CDHR3: variants seen among roughly 807,000 people sequenced by gnomAD.
The protein encoded by CDHR3 is cadherin related family member 3.
A neutral mutation model predicts 86.6 loss-of-function variants in CDHR3; 79 were observed. That is an observed-to-expected ratio of 0.91 (90% confidence interval 0.76 to 1.10). The LOEUF (loss-of-function observed/expected upper bound fraction) is 1.10, where lower values mean the gene tolerates loss of function less well. Among genes scored for constraint, CDHR3 ranks in the 50% least tolerant of loss-of-function variants. The pLI is 0.00. For missense variants in CDHR3, 1,081 were observed against 1,077.6 expected, an observed-to-expected ratio of 1.00 and a Z score of -0.04; for synonymous variants, 421 against 402.4, an observed-to-expected ratio of 1.05 and a Z score of -0.55.
chr7:105,975,001 C>G lies in CDHR3; in HGVS notation c.204C>G (p.Leu68=). The G allele has an allele frequency of 6.2e-7, 1 of 1,614,012 alleles. No individual in the cohort carries two copies. Among genetic ancestry groups the G allele is most frequent in the East Asian group, 2.2e-5 (1 of 44,886 alleles). ...GFPQIVNSNP[L]TEAFRVNWLS... is the part of the protein sequence containing the mutation. The stretch of plus-strand genomic sequence containing the variant: ...CCCAGATAGTCAACTCAAATCCCCT[C>G]ACTGAAGCTTTTAGGGTGAATTGGC... The change falls in exon 2 of 19, where the codon CTC becomes CTG. Residue 68 remains leucine (L), a synonymous_variant. Transcript: ENST00000317716.
At chr7:106,026,261 A>G (rs1464242301) in intron 15 of CDHR3, among the ~76,000 whole-genome samples, 2 of 152,114 alleles carry the variant, frequency 1.3e-5, no homozygotes, top group Admixed American at 6.5e-5. Context: ...GTGACAGGAA[A>G]CCAAAATGTA....
intron 4 of CDHR3, among the ~76,000 whole-genome samples, chr7:105,987,240 C>T (rs774514159): frequency 6.6e-6 from 1 of 152,046 alleles, no homozygotes; most frequent in African/African-American, 2.4e-5. Flanking sequence ...AGAGCAGCTG[C>T]GGGGGCTTGT....
At position 106,022,182 on chromosome 7, in the gene CDHR3, A is replaced by G. The variant is rs2115886179; in HGVS notation, c.1826-16A>G. The G allele has an allele frequency of 6.2e-7, 1 of 1,613,544 alleles. No homozygotes were observed. The highest frequency in any genetic ancestry group is 8.5e-7 in the Non-Finnish European group (1 of 1,179,512). ...TTCTTCCTTTTACCAACACCCCTGC[A>G]TCAAATCTCATTTAGGTAACGTCAA... On this transcript the variant is annotated splice_polypyrimidine_tract_variant and intron_variant, in intron 13 of 18. Transcript: ENST00000317716.
In CDHR3 at chr7:106,030,772, T is replaced by G; in HGVS notation, c.2305-20T>G. 6.2e-7 allele frequency: 1 copy of G among 1,606,412 alleles called. No individual in the cohort carries two copies. Among genetic ancestry groups the G allele is most frequent in the Non-Finnish European group, 8.5e-7 (1 of 1,176,206 alleles). On this transcript the variant is annotated intron_variant, in intron 17 of 18. Coordinates refer to ENST00000317716, the MANE Select transcript of CDHR3 (RefSeq NM_152750.5). This position sits in a 1 kb window ranked among gnomAD's most constrained non-coding sequence, Gnocchi z 4.8. ...AGGAATGTAGGATTGTGTTTGATGC[T>G]GTCTCTGTCTTCTCCTTAGGAAACT...
chr7:106,006,294 C>A (rs1199546080), intron 8 of CDHR3, among the ~76,000 whole-genome samples: 1 of 152,202 alleles, frequency 6.6e-6, no homozygotes, highest in Non-Finnish European at 1.5e-5. Flanking sequence ...CCTGCCCCAG[C>A]CCTTCCCAAA....
chr7:106,032,199 C>T (rs1387982154), intron 18 of CDHR3, among the ~76,000 whole-genome samples, 194 bp from the exon 19 acceptor site: 3 of 152,200 alleles, frequency 2.0e-5, no homozygotes, highest in Non-Finnish European at 4.4e-5. Context: ...GTCCGAGCAG[C>T]ACGGCTTGTG....
intron 4 of CDHR3, among the ~76,000 whole-genome samples, chr7:105,992,610 A>G (rs1401543241): frequency 6.6e-6 from 1 of 152,248 alleles, no homozygotes; most frequent in African/African-American, 2.4e-5. Context: ...TCAGCAAGAA[A>G]GATTTAGTAA....
At chr7:105,996,784 G>A (rs538249116) in intron 6 of CDHR3, among the ~76,000 whole-genome samples, 1 of 152,286 alleles carries the variant, frequency 6.6e-6, no homozygotes, top group African/African-American at 2.4e-5. Context: ...TTTTCACGGT[G>A]CCTGCCTGTT....
At chr7:106,018,183 CT>C in intron 12 of CDHR3, 111 bp downstream of exon 12, 1 of 768,604 alleles carries the variant, frequency 1.3e-6, no homozygotes, top group Non-Finnish European at 2.1e-6. Context: ...AGGGTACATC[CT>C]GCGGATGTGG....
In CDHR3 at chr7:106,032,829, G is replaced by T; in HGVS notation, c.*132G>T. 2.2e-6 allele frequency: 2 copies of T among 889,200 alleles called. No individual in the cohort carries two copies. The highest frequency in any genetic ancestry group is 3.3e-6 in the Non-Finnish European group (2 of 598,698). The allele number at this position is 889,200 out of a possible 1,614,324, so 55.1% of individuals were successfully genotyped here. On this transcript the variant is annotated 3_prime_UTR_variant, in exon 19 of 19. Coordinates refer to ENST00000317716, the MANE Select transcript of CDHR3 (RefSeq NM_152750.5). ...TTCAGACATCCAGGGTCAAACATGG[G>T]ATGTTTGACAAATTTTTAAACAAAT...
At chr7:106,015,396 C>T (rs1298036372) in intron 10 of CDHR3, among the ~76,000 whole-genome samples, 183 bp downstream of exon 10, 2 of 152,046 alleles carry the variant, frequency 1.3e-5, no homozygotes, top group African/African-American at 2.4e-5. Context: ...ATGCAAATGC[C>T]ATCATATGAC....
chr7:105,986,107 G>C (rs1215628724), intron 4 of CDHR3, among the ~76,000 whole-genome samples: 1 of 152,178 alleles, frequency 6.6e-6, no homozygotes, highest in Non-Finnish European at 1.5e-5. Flanking sequence ...GAGGGATACA[G>C]GATAGAGCAG....
chr7:105,992,152 G>A (rs975394258), intron 4 of CDHR3, among the ~76,000 whole-genome samples: 1 of 152,022 alleles, frequency 6.6e-6, no homozygotes, highest in Non-Finnish European at 1.5e-5. Context: ...GGAGTGTAGG[G>A]CCTGTCTGCA....
intron 8 of CDHR3, among the ~76,000 whole-genome samples, chr7:106,005,940 T>C (rs542176685): frequency 4.6e-5 from 7 of 152,300 alleles, no homozygotes; most frequent in African/African-American, 1.7e-4. Flanking sequence ...TTAGACTGTT[T>C]TCATGCTGCT....
intron 17 of CDHR3, among the ~76,000 whole-genome samples, chr7:106,028,916 T>TTTTCTTTCTTTCTTTCTTTCTTTC (rs1167671014): frequency 1.8e-4 from 15 of 83,082 alleles, no homozygotes; most frequent in Non-Finnish European, 2.3e-4. Context: ...GAGATTTAAA[T>TTTTCTTTCTTTCTTTCTTTCTTTC]TTTCTTTCTT....
chr7:105,983,751 C>T (rs149503684), intron 3 of CDHR3, among the ~76,000 whole-genome samples: 10 of 152,284 alleles, frequency 6.6e-5, no homozygotes, highest in Non-Finnish European at 1.3e-4. Context: ...CTCATTTCAA[C>T]GGCTCATTTC....
Position 106,017,832 on chromosome 7 carries a change from C to T in CDHR3, c.1427-14C>T. On this transcript the variant is annotated splice_polypyrimidine_tract_variant and intron_variant, in intron 11 of 18. Transcript: ENST00000317716. Reference sequence around the variant, plus strand: ...TTAAAAGCAGGACTTATTGCAGGTACTTTATTCCTCCAGCCAGAACCCGAG... The same window carrying T: ...TTAAAAGCAGGACTTATTGCAGGTATTTTATTCCTCCAGCCAGAACCCGAG... The T allele has an allele frequency of 1.3e-6, 2 of 1,554,014 alleles. No homozygotes were observed. Among genetic ancestry groups the T allele is most frequent in the Non-Finnish European group, 1.7e-6 (2 of 1,148,020 alleles).
intron 4 of CDHR3, among the ~76,000 whole-genome samples, chr7:105,985,391 CA>C: frequency 6.6e-6 from 1 of 152,204 alleles, no homozygotes. Context: ...GAGCAGGAAA[CA>C]CTCCTGCAGA....
chr7:106,012,748 GACTT>G, intron 8 of CDHR3, 108 bp from the exon 9 acceptor site: 1 of 1,172,648 alleles, frequency 8.5e-7, no homozygotes, highest in Non-Finnish European at 1.2e-6. Flanking sequence ...AATGACCATG[GACTT>G]ACTTTGAATT....
Sources: allele counts gnomAD v4.1 joint callset (sites outside exome capture counted in the v4.1 genomes callset), GRCh38; gene constraint gnomAD v4.1.1; non-coding constraint Gnocchi (gnomAD v3.1); transcripts MANE v1.5; gene names NCBI Gene and HGNC (gene_info 2026-07-23, HGNC 2026-07-21).